The following SEL1L2 variants were observed in gnomAD, a reference collection of about 807,000 sequenced individuals.
SEL1L2 encodes the protein protein sel-1 homolog 2.
A neutral mutation model predicts 98.8 loss-of-function variants in SEL1L2; 89 were observed. The observed-to-expected ratio is 0.90, with a 90% CI of 0.76 to 1.07. The LOEUF is 1.07. Among genes scored for constraint, SEL1L2 ranks in the 50% least tolerant of loss-of-function variants. SEL1L2 has a pLI of 0.00. For missense variants in SEL1L2, 788 were observed against 812.0 expected, an observed-to-expected ratio of 0.97 and a Z score of 0.36; for synonymous variants, 262 against 278.5, an observed-to-expected ratio of 0.94 and a Z score of 0.59.
chr20:13,858,369 C>T (rs577036162), intron 18 of SEL1L2, among the ~76,000 whole-genome samples: 2 of 152,230 alleles, frequency 1.3e-5, no homozygotes, highest in Non-Finnish European at 2.9e-5. Flanking sequence ...GAGGCCCACT[C>T]TTTCACCAAA....
At chr20:13,895,384 A>C (rs546483845) in intron 5 of SEL1L2, among the ~76,000 whole-genome samples, 1 of 150,030 alleles carries the variant, frequency 6.7e-6, no homozygotes, top group East Asian at 2.0e-4. Flanking sequence ...TGGAGGTTGC[A>C]GTGAGCCAAG....
intron 2 of SEL1L2, among the ~76,000 whole-genome samples, chr20:13,955,153 C>T (rs2050469287): frequency 1.3e-5 from 2 of 152,058 alleles, no homozygotes; most frequent in Admixed American, 1.3e-4. Context: ...ACAAACAAAA[C>T]CCTTGCTCTC....
In SEL1L2 at chr20:13,901,915, A is replaced by G. The variant is rs1035263471; in HGVS notation, c.549+11867T>C. ...TGACCTCAAGCAATCCACCCGCCTC[A>G]GCCTTCCAAAGTGCTGGAATTACAG... On this transcript the variant is annotated intron_variant, in intron 5 of 19. Coordinates refer to ENST00000284951, the MANE Select transcript of SEL1L2 (RefSeq NM_025229.2). 2.6e-5 allele frequency among the ~76,000 whole-genome samples: 4 copies of G among 152,248 alleles called. No homozygotes were observed. In the South Asian group the frequency reaches 6.2e-4, roughly 24 times the overall value.
chr20:13,931,979 A>G (rs2049165062), intron 2 of SEL1L2, among the ~76,000 whole-genome samples: 2 of 152,198 alleles, frequency 1.3e-5, no homozygotes, highest in South Asian at 4.1e-4. Flanking sequence ...TTTTAAATCT[A>G]TTATATTGTC....
chr20:13,959,207 C>T (rs1405623120), intron 1 of SEL1L2, among the ~76,000 whole-genome samples: 5 of 152,084 alleles, frequency 3.3e-5, no homozygotes, highest in African/African-American at 7.3e-5. Flanking sequence ...TTCTTAACAA[C>T]GAACATTTCT....
chr20:13,967,045 C>A (rs1351211678), intron 1 of SEL1L2, among the ~76,000 whole-genome samples: 1 of 151,976 alleles, frequency 6.6e-6, no homozygotes, highest in East Asian at 1.9e-4. Flanking sequence ...CCATGCCCAG[C>A]TAATTTTTGT....
At chr20:13,875,143 C>T (rs2046377330) in intron 12 of SEL1L2, among the ~76,000 whole-genome samples, 2 of 152,182 alleles carry the variant, frequency 1.3e-5, no homozygotes, top group Admixed American at 1.3e-4. Context: ...ACTTTACTGG[C>T]CCCAGACTGC....
At chr20:13,994,534 C>G (rs1432811007), upstream of SEL1L2, among the ~76,000 whole-genome samples, 2 of 152,070 alleles carry the variant, frequency 1.3e-5, no homozygotes, top group African/African-American at 4.8e-5. Flanking sequence ...TTACAACATC[C>G]ACTCAATTAG....
intron 5 of SEL1L2, among the ~76,000 whole-genome samples, chr20:13,907,749 T>TC (rs2048020475): frequency 1.4e-5 from 2 of 146,394 alleles, no homozygotes; most frequent in East Asian, 2.0e-4. Context: ...TTTCTTTCTT[T>TC]TCTTTTCTTT....
chr20:13,971,416 CTTTTG>C (rs112406432), intron 1 of SEL1L2, among the ~76,000 whole-genome samples: 32 of 151,732 alleles, frequency 2.1e-4, no homozygotes, highest in African/African-American at 4.3e-4. Flanking sequence ...TTACAATGTA[CTTTTG>C]TTTTGTTTTG....
chr20:13,919,711 G>T (rs2148233318), intron 3 of SEL1L2, among the ~76,000 whole-genome samples: 1 of 152,160 alleles, frequency 6.6e-6, no homozygotes, highest in East Asian at 1.9e-4. Context: ...GAAGTAAGGA[G>T]TTCAAGACCA....
At chr20:13,980,628 C>T (rs947792265) in intron 1 of SEL1L2, among the ~76,000 whole-genome samples, 5 of 152,136 alleles carry the variant, frequency 3.3e-5, no homozygotes, top group Non-Finnish European at 7.3e-5. Context: ...AGCAATCCCC[C>T]CTCTAGGTAT....
chr20:13,982,437 G>A (rs1259954423), intron 1 of SEL1L2, among the ~76,000 whole-genome samples: 1 of 150,570 alleles, frequency 6.6e-6, no homozygotes, highest in Admixed American at 6.6e-5. Flanking sequence ...CTTGAGCCTG[G>A]GAAGTCGAGC....
At chr20:13,940,563 A>T (rs4239712) in intron 2 of SEL1L2, among the ~76,000 whole-genome samples, 150,522 of 152,326 alleles carry the variant, frequency 0.99, 74,369 homozygotes, top group East Asian at 1. Context: ...CGATCCTAGG[A>T]GACAAGCTCT....
chr20:13,865,544 T>G, intron 15 of SEL1L2, 30 bp from the exon 16 acceptor site: 1 of 1,592,232 alleles, frequency 6.3e-7, no homozygotes, highest in Admixed American at 1.7e-5. Context: ...TCAAGGAGAC[T>G]AGTTAGCCAG....
rs189063148 is a variant in SEL1L2 at position 13,882,792 on chromosome 20, T to C, written c.957+2555A>G. ...TTTTAAAAATGCAGACAAAGATAAC[T>C]GATAGATAAGTCAATTTGTCTTTTT... On this transcript the variant is annotated intron_variant, in intron 10 of 19. Coordinates refer to ENST00000284951, the MANE Select transcript of SEL1L2 (RefSeq NM_025229.2). Among the ~76,000 whole-genome samples the C allele has an allele frequency of 2.6e-5, 4 of 151,022 alleles. No homozygotes were observed. In the East Asian group the frequency reaches 7.8e-4, roughly 30 times the overall value.
At chr20:13,979,694 T>C (rs954179855) in intron 1 of SEL1L2, among the ~76,000 whole-genome samples, 1 of 152,250 alleles carries the variant, frequency 6.6e-6, no homozygotes, top group African/African-American at 2.4e-5. Context: ...ATAAACCCAG[T>C]CACTTTGTCA....
upstream of SEL1L2, among the ~76,000 whole-genome samples, chr20:13,991,412 T>C (rs1396528415): frequency 1.3e-5 from 2 of 152,194 alleles, no homozygotes; most frequent in African/African-American, 2.4e-5. Flanking sequence ...TATTCTCTCA[T>C]AGTTCTAGAG....
At chr20:13,982,544 G>A (rs1265442227) in intron 1 of SEL1L2, among the ~76,000 whole-genome samples, 2 of 141,026 alleles carry the variant, frequency 1.4e-5, no homozygotes, top group Non-Finnish European at 3.1e-5. Context: ...TTCCGAGACA[G>A]TAGCAAGTTC....
Sources: allele counts gnomAD v4.1 joint callset (sites outside exome capture counted in the v4.1 genomes callset), GRCh38; gene constraint gnomAD v4.1.1; transcripts MANE v1.5; gene names NCBI Gene and HGNC (gene_info 2026-07-23, HGNC 2026-07-21).